GALNTL6: variants seen among roughly 807,000 people sequenced by gnomAD.
The protein encoded by GALNTL6 is polypeptide N-acetylgalactosaminyltransferase-like 6.
GALNTL6 carries 46 observed loss-of-function variants against 73.7 expected under a neutral mutation model. The observed-to-expected ratio is 0.62, with a 90% CI of 0.49 to 0.80. GALNTL6 has a LOEUF of 0.80. Among genes scored for constraint, GALNTL6 ranks in the 30% least tolerant of loss-of-function variants. The probability of loss-of-function intolerance (pLI) is 0.00; values close to 1 mark genes in which losing one functional copy is unlikely to be tolerated. For synonymous variants in GALNTL6, 259 were observed against 263.7 expected (o/e 0.98, Z 0.17); for missense variants, 604 against 755.0 (o/e 0.80, Z 2.34).
At chr4:172,240,974 G>A (rs908713361) in intron 3 of GALNTL6, among the ~76,000 whole-genome samples, 1 of 152,168 alleles carries the variant, frequency 6.6e-6, no homozygotes. Flanking sequence ...GTGGGCTGAT[G>A]TTCCTTTAAC....
intron 2 of GALNTL6, among the ~76,000 whole-genome samples, chr4:172,213,743 A>G (rs1318065661): frequency 1.3e-5 from 2 of 152,138 alleles, no homozygotes; most frequent in Non-Finnish European, 1.5e-5. Context: ...AATTTTTACA[A>G]TGTCTTTCCA....
chr4:172,310,964 A>G (rs548067765), intron 3 of GALNTL6, among the ~76,000 whole-genome samples: 15 of 152,232 alleles, frequency 9.9e-5, no homozygotes, highest in African/African-American at 3.6e-4. Flanking sequence ...TGAAGGAAAT[A>G]CAAATGATAA....
chr4:172,743,911 G>T (rs945789083), intron 5 of GALNTL6, among the ~76,000 whole-genome samples: 1 of 152,000 alleles, frequency 6.6e-6, no homozygotes, highest in East Asian at 1.9e-4. Flanking sequence ...AGTTAAATGA[G>T]AATGTGATAG....
intron 5 of GALNTL6, among the ~76,000 whole-genome samples, chr4:172,488,431 A>T (rs1206566675): frequency 6.6e-6 from 1 of 152,124 alleles, no homozygotes; most frequent in Non-Finnish European, 1.5e-5. Context: ...ATTTGCAGAG[A>T]TCTTTACTCA....
intron 2 of GALNTL6, among the ~76,000 whole-genome samples, chr4:171,950,498 T>TG (rs1175986862): frequency 7.7e-6 from 1 of 130,520 alleles, no homozygotes; most frequent in Non-Finnish European, 1.6e-5. Flanking sequence ...TTTTTTTTTT[T>TG]GAGATGAAGT....
intron 5 of GALNTL6, among the ~76,000 whole-genome samples, chr4:172,467,404 A>G (rs959325247): frequency 1.3e-5 from 2 of 152,206 alleles, no homozygotes; most frequent in African/African-American, 4.8e-5. Flanking sequence ...GGGCTACCCT[A>G]TGCAACTGCG....
chr4:172,693,363 C>T (rs758871465), intron 5 of GALNTL6, among the ~76,000 whole-genome samples: 24 of 152,156 alleles, frequency 1.6e-4, no homozygotes, highest in Non-Finnish European at 3.4e-4. Context: ...TTGCTAATCC[C>T]TGAGTTTACC....
intron 5 of GALNTL6, among the ~76,000 whole-genome samples, chr4:172,670,645 T>G (rs914588124): frequency 1.3e-5 from 2 of 152,230 alleles, no homozygotes; most frequent in African/African-American, 4.8e-5. Flanking sequence ...GCAAAAGCAC[T>G]TTAGTTTAAC....
chr4:172,024,780 A>G (rs1280095913), intron 2 of GALNTL6, among the ~76,000 whole-genome samples: 1 of 151,926 alleles, frequency 6.6e-6, no homozygotes, highest in Non-Finnish European at 1.5e-5. Context: ...TGAAAAACAC[A>G]GAAGTGCTAT....
At chr4:172,339,257 C>CCACACACACCACA (rs1741463019) in intron 4 of GALNTL6, among the ~76,000 whole-genome samples, 1 of 120,952 alleles carries the variant, frequency 8.3e-6, no homozygotes, top group African/African-American at 3.3e-5. Flanking sequence ...CACACACACA[C>CCACACACACCACA]CACACACACA....
intron 5 of GALNTL6, among the ~76,000 whole-genome samples, chr4:172,402,686 C>T (rs1744084375): frequency 2.0e-5 from 3 of 151,970 alleles, no homozygotes; most frequent in Admixed American, 2.0e-4. Context: ...AAGCACTTCT[C>T]CTTAACACGG....
chr4:172,017,677 C>G (rs1741248421), intron 2 of GALNTL6, among the ~76,000 whole-genome samples: 2 of 152,100 alleles, frequency 1.3e-5, no homozygotes, highest in African/African-American at 2.4e-5. Context: ...GGGCTGTTGT[C>G]CAGATTCTTT....
intron 5 of GALNTL6, among the ~76,000 whole-genome samples, chr4:172,422,756 C>T (rs1015779470): frequency 4.6e-5 from 7 of 151,672 alleles, no homozygotes; most frequent in Admixed American, 1.3e-4. Flanking sequence ...AATTCCTGAC[C>T]CTTGTTCCAA....
At chr4:172,280,193 A>G (rs1738993287) in intron 3 of GALNTL6, among the ~76,000 whole-genome samples, 1 of 152,222 alleles carries the variant, frequency 6.6e-6, no homozygotes. Context: ...CTAATTAGCT[A>G]TATCCTTAAA....
At chr4:172,914,547 G>C (rs1747395807) in intron 8 of GALNTL6, among the ~76,000 whole-genome samples, 1 of 152,180 alleles carries the variant, frequency 6.6e-6, no homozygotes, top group African/African-American at 2.4e-5. Context: ...TAAAGGGATG[G>C]AGGAAGATCT....
In GALNTL6 at chr4:172,866,529, TG is replaced by T. The variant is rs1476450786; in HGVS notation, c.924-16259del. ...CATGCAAAGCACTTAGCCCAGTGTC[TG>T]GCATATGTTTAGATGTTGATTATTG... On this transcript the variant is annotated intron_variant, in intron 7 of 12. Coordinates refer to ENST00000506823, the MANE Select transcript of GALNTL6 (RefSeq NM_001034845.3). Among the ~76,000 whole-genome samples the T allele has an allele frequency of 2.0e-5, 3 of 152,240 alleles. No homozygotes were observed. The East Asian group carries it at 5.8e-4, about 29-fold the overall frequency.
chr4:172,334,998 T>G (rs1433021780), intron 4 of GALNTL6, among the ~76,000 whole-genome samples: 1 of 151,584 alleles, frequency 6.6e-6, no homozygotes, highest in East Asian at 1.9e-4. Flanking sequence ...TTTTTTTTTT[T>G]GAGACAGAGT....
chr4:172,198,689 A>G (rs1420285917), intron 2 of GALNTL6, among the ~76,000 whole-genome samples: 3 of 152,296 alleles, frequency 2.0e-5, no homozygotes, highest in Admixed American at 6.5e-5. Context: ...AAGAGGTGCT[A>G]TCAATAATTA....
chr4:172,914,159 G>A (rs575459617), intron 8 of GALNTL6, among the ~76,000 whole-genome samples: 2 of 152,314 alleles, frequency 1.3e-5, no homozygotes, highest in Admixed American at 1.3e-4. Flanking sequence ...GGCTTCATAA[G>A]TGAAGGAGAA....
Sources: allele counts gnomAD v4.1 joint callset (sites outside exome capture counted in the v4.1 genomes callset), GRCh38; gene constraint gnomAD v4.1.1; transcripts MANE v1.5; gene names NCBI Gene and HGNC (gene_info 2026-07-23, HGNC 2026-07-21).